Variants in CYB5R4 observed in about 807,000 individuals in gnomAD.
CYB5R4 encodes cytochrome b5 reductase 4.
A neutral mutation model predicts 70.2 loss-of-function variants in CYB5R4; 55 were observed. The ratio of observed to expected loss-of-function variants is 0.78; its 90% CI spans 0.63 to 0.98. The LOEUF (loss-of-function observed/expected upper bound fraction) is 0.98. CYB5R4 is among the 50% of genes least tolerant of loss of function. The pLI is 0.00. For missense variants in CYB5R4, 562 were observed against 612.6 expected (o/e 0.92, Z 0.87); for synonymous variants, 197 against 199.5 (o/e 0.99, Z 0.11).
chr6:83,885,742 G>A (rs1033857658), intron 2 of CYB5R4, among the ~76,000 whole-genome samples: 2 of 152,080 alleles, frequency 1.3e-5, no homozygotes, highest in Admixed American at 1.3e-4. Flanking sequence ...TTTCTTCTCT[G>A]TGGAGAGTTG....
intron 2 of CYB5R4, among the ~76,000 whole-genome samples, chr6:83,874,724 G>C (rs745982609): frequency 5.3e-5 from 8 of 151,818 alleles, no homozygotes; most frequent in Non-Finnish European, 8.8e-5. Flanking sequence ...TCTTCCCCAA[G>C]GCTTTCTTCC....
chr6:83,860,408 T>C (rs1400546090), intron 1 of CYB5R4, among the ~76,000 whole-genome samples: 3 of 152,202 alleles, frequency 2.0e-5, no homozygotes, highest in African/African-American at 4.8e-5. Context: ...TGGTACCTGA[T>C]TGTTTTGTCA....
chr6:83,887,230 G>A (rs973654073), intron 2 of CYB5R4, among the ~76,000 whole-genome samples: 2 of 152,120 alleles, frequency 1.3e-5, no homozygotes, highest in Non-Finnish European at 2.9e-5. Flanking sequence ...GCAGATGCTG[G>A]ATGATGCTTT....
At chr6:83,910,184 A>G (rs570175910) in intron 4 of CYB5R4, 1 of 1,548,904 alleles carries the variant, frequency 6.5e-7, no homozygotes, top group Non-Finnish European at 8.8e-7. Flanking sequence ...CAAGGACAAG[A>G]CATCTATTGA....
intron 8 of CYB5R4, among the ~76,000 whole-genome samples, chr6:83,921,672 A>G (rs2129140025): frequency 6.6e-6 from 1 of 152,324 alleles, no homozygotes; most frequent in East Asian, 1.9e-4. Context: ...GGACAGAGAA[A>G]AAAGTGGTAG....
In CYB5R4 at chr6:83,860,040, C is replaced by A. The variant is rs191423028; in HGVS notation, c.75+183C>A. On this transcript the variant is annotated intron_variant, in intron 1 of 15. Coordinates refer to ENST00000369681, the MANE Select transcript of CYB5R4 (RefSeq NM_016230.4). ...ACAGTCCCTAAACTCTCCTTACCTC[C>A]TCCCTTTCCCCTAGCAGTCCCTCTT... 2.5e-3 allele frequency among the ~76,000 whole-genome samples: 383 copies of A among 152,286 alleles called. 2 individuals are homozygous for A. The highest frequency in any genetic ancestry group is 3.0e-3 in the Non-Finnish European group (205 of 68,006).
chr6:83,901,548 A>T (rs558288000), intron 3 of CYB5R4, among the ~76,000 whole-genome samples: 1 of 152,268 alleles, frequency 6.6e-6, no homozygotes, highest in East Asian at 1.9e-4. Context: ...AATATCCTGC[A>T]GAGTGTTTTC....
intron 2 of CYB5R4, among the ~76,000 whole-genome samples, chr6:83,879,659 C>A (rs761566407): frequency 1.3e-5 from 2 of 152,138 alleles, no homozygotes; most frequent in Non-Finnish European, 2.9e-5. Flanking sequence ...ACCCTCTAAT[C>A]TTGCTGCAGA....
At chr6:83,919,047 C>A (rs1005951812) in intron 6 of CYB5R4, among the ~76,000 whole-genome samples, 2 of 152,062 alleles carry the variant, frequency 1.3e-5, no homozygotes, top group African/African-American at 4.8e-5. Context: ...AGATAATAAA[C>A]ATGTGCATTT....
At position 83,944,531 on chromosome 6, in the gene CYB5R4, T is replaced by C. The variant is rs555968868; in HGVS notation, c.1346+3930T>C. 9.9e-5 allele frequency among the ~76,000 whole-genome samples: 15 copies of C among 152,206 alleles called. 1 individual carries two copies. In the South Asian group the frequency reaches 3.1e-3, roughly 32 times the overall value. ...ACTATGAAGAAAATGCATCAACTAA[T>C]AGGCAAAATAACCAGCTAGCATCAT... On this transcript the variant is annotated intron_variant, in intron 14 of 15. Transcript: ENST00000369681.
intron 14 of CYB5R4, among the ~76,000 whole-genome samples, chr6:83,950,036 T>C (rs899729612): frequency 5.9e-5 from 9 of 152,184 alleles, no homozygotes; most frequent in Admixed American, 1.3e-4. Flanking sequence ...GTTTACTTAT[T>C]TTCTCATGCA....
At position 83,912,534 on chromosome 6, in the gene CYB5R4, C is replaced by T. The variant is rs142663032; in HGVS notation, c.413-1882C>T. ...AGCTGAGTGCTGTTAGATCACAGCA[C>T]CAGCCTTCTAAATGACTCTGACCTC... On this transcript the variant is annotated intron_variant, in intron 4 of 15. Coordinates refer to ENST00000369681, the MANE Select transcript of CYB5R4 (RefSeq NM_016230.4). Among the ~76,000 whole-genome samples, 328 of 152,250 alleles carry T rather than the reference C, an allele frequency of 2.2e-3. 1 individual carries two copies. Among genetic ancestry groups the T allele is most frequent in the Non-Finnish European group, 2.8e-3 (190 of 68,022 alleles).
At chr6:83,898,449 T>C (rs1408842684) in intron 3 of CYB5R4, among the ~76,000 whole-genome samples, 2 of 151,244 alleles carry the variant, frequency 1.3e-5, no homozygotes, top group African/African-American at 4.9e-5. Context: ...CAATGTGGGC[T>C]CTTTTTTGGT....
chr6:83,938,773 C>T (rs1271513260), intron 12 of CYB5R4, among the ~76,000 whole-genome samples: 1 of 152,060 alleles, frequency 6.6e-6, no homozygotes, highest in Non-Finnish European at 1.5e-5. Flanking sequence ...ATCTGGCTTT[C>T]CTAAAGACAC....
intron 2 of CYB5R4, among the ~76,000 whole-genome samples, chr6:83,890,760 A>G (rs558784057): frequency 1.3e-5 from 2 of 152,250 alleles, no homozygotes; most frequent in Middle Eastern, 3.4e-3. Flanking sequence ...TAAGCACCCA[A>G]CATGCTGATC....
In CYB5R4 at chr6:83,964,918, G is replaced by A. The variant is rs950371550; in HGVS notation, c.*5040G>A. ...CAGGCCATGGCTTCAGAGGGTGAAA[G>A]CCTTAAGCCTTGGCAACTTCCATGT... On this transcript the variant is annotated 3_prime_UTR_variant, in exon 16 of 16. Transcript: ENST00000369681. 3 of 152,212 alleles carry A rather than the reference G, an allele frequency of 2.0e-5. No individual in the cohort carries two copies. Among genetic ancestry groups the A allele is most frequent in the African/African-American group, 7.2e-5 (3 of 41,458 alleles). 9.4% of individuals were successfully genotyped at this position (152,212 alleles called of 1,614,324 possible).
intron 10 of CYB5R4, among the ~76,000 whole-genome samples, chr6:83,932,906 G>GT (rs2099468383): frequency 1.3e-5 from 2 of 152,314 alleles, no homozygotes; most frequent in Admixed American, 1.3e-4. Context: ...ACACTGAGGA[G>GT]TTTAAGAATC....
intron 5 of CYB5R4, among the ~76,000 whole-genome samples, chr6:83,915,875 C>T (rs904952552): frequency 6.6e-6 from 1 of 152,160 alleles, no homozygotes; most frequent in Non-Finnish European, 1.5e-5. Context: ...TCCTATTCCA[C>T]TAGAGACCCG....
At chr6:83,860,128 A>G (rs1220647926) in intron 1 of CYB5R4, among the ~76,000 whole-genome samples, 1 of 151,036 alleles carries the variant, frequency 6.6e-6, no homozygotes, top group Non-Finnish European at 1.5e-5. Context: ...CGCGATTTAA[A>G]TTTATATGAC....
Sources: gnomAD v4.1 joint callset for allele counts (sites outside exome capture counted in the v4.1 genomes callset) on GRCh38, gnomAD v4.1.1 for gene constraint, MANE v1.5 for transcripts, NCBI Gene and HGNC (gene_info 2026-07-23, HGNC 2026-07-21) for gene names.